The following HECTD4 variants were observed in gnomAD, a reference collection of about 807,000 sequenced individuals.
HECTD4 encodes probable E3 ubiquitin-protein ligase HECTD4.
Under a neutral mutation model 471.5 loss-of-function variants are expected in HECTD4, and 114 were observed. The ratio of observed to expected loss-of-function variants is 0.24; its 90% CI spans 0.21 to 0.28. HECTD4 has a LOEUF of 0.28. Ranked by LOEUF, HECTD4 falls within the 10% of genes least tolerant of loss-of-function variation. The probability of loss-of-function intolerance (pLI) is 1.00; values close to 1 mark genes in which losing one functional copy is unlikely to be tolerated. For missense variants in HECTD4, 3,866 were observed against 5,651.5 expected (o/e 0.68, Z 10.13); for synonymous variants, 2,012 against 2,256.0 (o/e 0.89, Z 3.07).
chr12:112,351,395 T>C (rs577818011), intron 1 of HECTD4, among the ~76,000 whole-genome samples: 2 of 152,306 alleles, frequency 1.3e-5, no homozygotes, highest in South Asian at 4.1e-4. Flanking sequence ...TAAGGGAGTA[T>C]GGCTGGGCTT....
chr12:112,200,868 T>TGC (rs2032404261), intron 54 of HECTD4, 70 bp from the exon 55 acceptor site: 2 of 1,277,326 alleles, frequency 1.6e-6, no homozygotes, highest in Admixed American at 2.0e-5. Flanking sequence ...TGCGTGCGTG[T>TGC]GTGTGTGCGT....
chr12:112,346,073 C>G (rs971097309), intron 1 of HECTD4, among the ~76,000 whole-genome samples: 4 of 152,208 alleles, frequency 2.6e-5, no homozygotes, highest in Non-Finnish European at 5.9e-5. Flanking sequence ...TGGAAAACCA[C>G]AGCATGAGGT....
intron 7 of HECTD4, among the ~76,000 whole-genome samples, chr12:112,288,653 A>C (rs532689358): frequency 6.6e-6 from 1 of 152,324 alleles, no homozygotes; most frequent in Non-Finnish European, 1.5e-5. Flanking sequence ...TGATGCAAGC[A>C]GAGACTTGAT....
At chr12:112,367,978 A>C (rs1346577005) in intron 1 of HECTD4, among the ~76,000 whole-genome samples, 2 of 152,188 alleles carry the variant, frequency 1.3e-5, no homozygotes, top group Non-Finnish European at 2.9e-5. Flanking sequence ...AAATATAGTA[A>C]ACATTGAAAA....
At chr12:112,220,506 T>C (rs2033056659) in intron 44 of HECTD4, among the ~76,000 whole-genome samples, 1 of 151,982 alleles carries the variant, frequency 6.6e-6, no homozygotes, top group African/African-American at 2.4e-5. Flanking sequence ...TTAAGTTAGA[T>C]CTTAAGAAAG....
At chr12:112,300,836 C>A (rs894022726) in intron 7 of HECTD4, among the ~76,000 whole-genome samples, 1 of 152,008 alleles carries the variant, frequency 6.6e-6, no homozygotes, top group South Asian at 2.1e-4. Context: ...CTTGGCCCTA[C>A]TAGCATTATA....
At chr12:112,223,128 G>T (rs1039212646) in intron 44 of HECTD4, among the ~76,000 whole-genome samples, 2 of 152,154 alleles carry the variant, frequency 1.3e-5, no homozygotes, top group African/African-American at 4.8e-5. Flanking sequence ...GGTTCCGGTA[G>T]CCTGCTGTCT....
intron 67 of HECTD4, among the ~76,000 whole-genome samples, chr12:112,171,926 G>A (rs1348485524): frequency 3.9e-5 from 6 of 151,950 alleles, no homozygotes; most frequent in South Asian, 2.1e-4. Flanking sequence ...TTTTGGAGAC[G>A]GAGTTTTGCT....
intron 44 of HECTD4, among the ~76,000 whole-genome samples, chr12:112,219,820 G>A (rs1474532410): frequency 3.3e-5 from 5 of 151,514 alleles, no homozygotes; most frequent in African/African-American, 7.3e-5. Flanking sequence ...GGCTGGTCTC[G>A]AACTCCTGAC....
intron 18 of HECTD4, among the ~76,000 whole-genome samples, chr12:112,260,579 ATT>A (rs1170545268): frequency 4.9e-5 from 7 of 144,052 alleles, no homozygotes; most frequent in South Asian, 2.2e-4. Context: ...CCAGAGCAGA[ATT>A]TTTTTTTTTT....
intron 1 of HECTD4, among the ~76,000 whole-genome samples, chr12:112,350,921 C>A (rs1594066566): frequency 6.6e-6 from 1 of 152,094 alleles, no homozygotes; most frequent in Admixed American, 6.6e-5. Flanking sequence ...AAGTATGGCT[C>A]AATTTAAATT....
intron 37 of HECTD4, 87 bp from the exon 38 acceptor site, chr12:112,233,172 G>A (rs2033422750): frequency 1.2e-6 from 1 of 861,558 alleles, no homozygotes; most frequent in Non-Finnish European, 1.9e-6. Flanking sequence ...CAGTCATGGT[G>A]AGGCCCTATT....
At chr12:112,201,314 A>C in intron 54 of HECTD4, 1 of 242,366 alleles carries the variant, frequency 4.1e-6, no homozygotes, top group Non-Finnish European at 8.3e-6. Flanking sequence ...CTGGTCTTAA[A>C]CTCCTCACCT....
chr12:112,263,694 G>T (rs2034198597), intron 17 of HECTD4, among the ~76,000 whole-genome samples: 1 of 145,820 alleles, frequency 6.9e-6, no homozygotes, highest in Admixed American at 7.1e-5. Flanking sequence ...ATTATTTAAT[G>T]CTCCCAAGAT....
intron 52 of HECTD4, among the ~76,000 whole-genome samples, chr12:112,207,224 GCTTCTGCCTCCTGGGTTC>G (rs2032619034): frequency 2.6e-5 from 4 of 152,030 alleles, no homozygotes; most frequent in Admixed American, 6.6e-5. Context: ...GCTCACTGCC[GCTTCTGCCTCCTGGGTTC>G]AAGCGATTCT....
chr12:112,210,578 C>T (rs2032733283), intron 49 of HECTD4, among the ~76,000 whole-genome samples: 1 of 152,248 alleles, frequency 6.6e-6, no homozygotes, highest in African/African-American at 2.4e-5. Flanking sequence ...GTTCCTTCCA[C>T]CTGGAATATT....
At chr12:112,265,599 C>T (rs1392990619) in intron 15 of HECTD4, among the ~76,000 whole-genome samples, 2 of 152,182 alleles carry the variant, frequency 1.3e-5, no homozygotes, top group East Asian at 3.8e-4. Context: ...TTGGATGGTA[C>T]TCTGAACCAA....
At chr12:112,226,466 A>G in intron 44 of HECTD4, 177 bp downstream of exon 44, 1 of 447,102 alleles carries the variant, frequency 2.2e-6, no homozygotes, top group Non-Finnish European at 4.0e-6. Flanking sequence ...TGTAGATTAA[A>G]AGCTTTTTAT....
Position 112,312,972 on chromosome 12 carries a change from A to G in HECTD4, c.916+45T>C, listed in dbSNP as rs1196387871. ...TGCTACAGTGATCTAAAACCTCTTT[A>G]TTTACATCTTACTATTAATCACAGG... On this transcript the variant is annotated intron_variant, in intron 4 of 75. Coordinates refer to ENST00000682272, the MANE Select transcript of HECTD4 (RefSeq NM_001388303.1). The G allele has an allele frequency of 4.0e-6, 6 of 1,507,102 alleles. No homozygotes were observed. The East Asian group carries it at 1.2e-4, about 31-fold the overall frequency. The allele number at this position is 1,507,102 out of a possible 1,614,324, so 93.4% of individuals were successfully genotyped here.
Sources: gnomAD v4.1 joint callset for allele counts (sites outside exome capture counted in the v4.1 genomes callset) on GRCh38, gnomAD v4.1.1 for gene constraint, MANE v1.5 for transcripts, NCBI Gene and HGNC (gene_info 2026-07-23, HGNC 2026-07-21) for gene names.